ABCA1: variants seen among roughly 807,000 people sequenced by gnomAD.
The protein encoded by ABCA1 is phospholipid-transporting ATPase ABCA1.
In ABCA1, 133 loss-of-function variants were observed where a neutral mutation model predicts 262.5. The observed-to-expected ratio is 0.51, with a 90% CI of 0.44 to 0.59. The LOEUF is 0.59. Among genes scored for constraint, ABCA1 ranks in the 20% least tolerant of loss-of-function variants. The pLI is 0.00. For missense variants in ABCA1, 2,452 were observed against 2,777.5 expected, an observed-to-expected ratio of 0.88 and a Z score of 2.63; for synonymous variants, 1,022 against 1,043.5, an observed-to-expected ratio of 0.98 and a Z score of 0.40.
rs915148633 is a variant in ABCA1 at position 104,781,077 on chromosome 9, A to G, written c.*3238T>C. On this transcript the variant is annotated 3_prime_UTR_variant, in exon 50 of 50. Coordinates refer to ENST00000374736, the MANE Select transcript of ABCA1 (RefSeq NM_005502.4). ...TTACAACATAGAAATATGCATTTTA[A>G]TACTTCATATAAAGTTATTGACATA... is the stretch of plus-strand genomic sequence containing the variant. 6.6e-6 allele frequency: 1 copy of G among 152,662 alleles called. No individual in the cohort carries two copies. The highest frequency in any genetic ancestry group is 2.4e-5 in the African/African-American group (1 of 41,466). 9.5% of individuals were successfully genotyped at this position (152,662 alleles called of 1,614,324 possible). A position where few individuals can be genotyped will look rare whatever the true frequency, so the allele number is the denominator to read the frequency against.
At chr9:104,821,544 G>T in intron 19 of ABCA1, 38 bp from the exon 20 acceptor site, 1 of 1,612,330 alleles carries the variant, frequency 6.2e-7, no homozygotes, top group South Asian at 1.1e-5. Context: ...AGTCAGGGTT[G>T]ACCTACCCTT....
At chr9:104,844,116 C>T (rs1397743910) in intron 8 of ABCA1, among the ~76,000 whole-genome samples, 1 of 151,830 alleles carries the variant, frequency 6.6e-6, no homozygotes, top group Non-Finnish European at 1.5e-5. Context: ...TGTTACAGAC[C>T]CTGCTTTGCT....
chr9:104,865,056 C>T (rs1836963525), intron 5 of ABCA1, among the ~76,000 whole-genome samples: 1 of 152,224 alleles, frequency 6.6e-6, no homozygotes, highest in Non-Finnish European at 1.5e-5. Flanking sequence ...AAAGAACTTG[C>T]AGCCTGATCA....
rs1190529739 is a variant in ABCA1, at chr9:104,927,945, C to T, written c.-103G>A. The T allele has an allele frequency of 1.3e-5, 2 of 152,252 alleles. No homozygotes were observed. Among genetic ancestry groups the T allele is most frequent in the South Asian group, 2.1e-4 (1 of 4,832 alleles). The allele number at this position is 152,252 out of a possible 1,614,324, so 9.4% of individuals were successfully genotyped here. A position where few individuals can be genotyped will look rare whatever the true frequency, so the allele number is the denominator to read the frequency against. The stretch of plus-strand genomic sequence containing the variant: ...TGGAGAGCCTCTTACCTGTTTTCCA[C>T]TTTTGTGTTTGCGTCTCTTTCTCCT... On this transcript the variant is annotated 5_prime_UTR_variant, in exon 1 of 50. The change creates a new upstream start codon in the 5' untranslated region. Transcript: ENST00000374736.
chr9:104,824,658 C>T, intron 17 of ABCA1, 80 bp from the exon 18 acceptor site: 1 of 1,489,374 alleles, frequency 6.7e-7, no homozygotes, highest in Admixed American at 1.8e-5. Flanking sequence ...TCCATTTCCT[C>T]CTTGACACAT....
At position 104,817,917 on chromosome 9, in the gene ABCA1, G is replaced by A. The variant is rs1831923971; in HGVS notation, c.3463-513C>T. 6.6e-6 allele frequency among the ~76,000 whole-genome samples: 1 copy of A among 152,184 alleles called. No individual in the cohort carries two copies. The highest frequency in any genetic ancestry group is 1.5e-5 in the Non-Finnish European group (1 of 68,036). On this transcript the variant is annotated intron_variant, in intron 23 of 49. Coordinates refer to ENST00000374736, the MANE Select transcript of ABCA1 (RefSeq NM_005502.4). The surrounding 1 kb of genome is among the most constrained non-coding windows in gnomAD (Gnocchi z 4.7). The stretch of plus-strand genomic sequence containing the variant: ...CATTAAAAGGTAAATAAGTGGATAG[G>A]AGTTTCAGGTTGGGATGTAAATACA...
chr9:104,832,636 T>C lies in ABCA1; in HGVS notation c.1447A>G (p.Thr483Ala). 6.2e-7 allele frequency: 1 copy of C among 1,614,194 alleles called. No individual in the cohort carries two copies. Among genetic ancestry groups the C allele is most frequent in the Non-Finnish European group, 8.5e-7 (1 of 1,180,042 alleles). The part of the protein sequence containing the change: ...DVQSSNGSVY[T>A]WREAFNETNQ... The stretch of plus-strand genomic sequence containing the variant: ...GTCTCGTTGAAAGCTTCTCTCCAGG[T>C]GTACACAGAACCATTACTGGACTGG... The change falls in exon 12 of 50, where the codon ACC (threonine) becomes GCC (alanine). Residue 483 changes from threonine to alanine, a missense_variant. Around this residue, in one of 4 missense-constraint regions of ABCA1, gnomAD observed 1,032 missense variants for 1,089.7 expected, o/e 0.95. Coordinates refer to ENST00000374736, the MANE Select transcript of ABCA1 (RefSeq NM_005502.4).
At chr9:104,843,390 T>C (rs1834561954) in intron 8 of ABCA1, among the ~76,000 whole-genome samples, 1 of 152,238 alleles carries the variant, frequency 6.6e-6, no homozygotes, top group African/African-American at 2.4e-5. Flanking sequence ...CCTCAAGTCC[T>C]CATTTCCTCC....
chr9:104,879,140 C>T (rs1171415558), intron 5 of ABCA1, among the ~76,000 whole-genome samples: 1 of 151,982 alleles, frequency 6.6e-6, no homozygotes, highest in Non-Finnish European at 1.5e-5. Flanking sequence ...GTCTCCTCCA[C>T]TAAGATCAGA....
intron 9 of ABCA1, 52 bp downstream of exon 9, chr9:104,840,227 C>T: frequency 6.2e-7 from 1 of 1,613,258 alleles, no homozygotes; most frequent in Non-Finnish European, 8.5e-7. Context: ...AAGGCCAGAA[C>T]TAAGGGAGGG....
intron 19 of ABCA1, 68 bp from the exon 20 acceptor site, chr9:104,821,574 A>G: frequency 6.3e-7 from 1 of 1,586,490 alleles, no homozygotes; most frequent in East Asian, 2.2e-5. Context: ...TGCTCCATTC[A>G]GTCTGCAGAG....
intron 39 of ABCA1, among the ~76,000 whole-genome samples, chr9:104,795,213 C>G (rs773395325): frequency 2.8e-4 from 43 of 152,180 alleles, no homozygotes; most frequent in Non-Finnish European, 5.4e-4. Flanking sequence ...GACCCTGTGA[C>G]AGAAGAAGGG....
At chr9:104,799,521 A>T in intron 36 of ABCA1, 1 of 982,788 alleles carries the variant, frequency 1.0e-6, no homozygotes, top group African/African-American at 1.7e-5. Context: ...AATCAAACTG[A>T]TTAAACACTT....
chr9:104,884,965 G>A lies in ABCA1; in HGVS notation c.161-397C>T, dbSNP rs181420210. 2.7e-3 allele frequency among the ~76,000 whole-genome samples: 404 copies of A among 152,358 alleles called. 9 individuals carry two copies. Among genetic ancestry groups the A allele is most frequent in the Admixed American group, 0.022 (342 of 15,304 alleles). ...GGTAAGATGAAGTGGGCTGGGCACA[G>A]TGGCTCGCGCCTGTAATCCCAGCAC... On this transcript the variant is annotated intron_variant, in intron 3 of 49. Coordinates refer to ENST00000374736, the MANE Select transcript of ABCA1 (RefSeq NM_005502.4).
intron 1 of ABCA1, among the ~76,000 whole-genome samples, chr9:104,919,549 T>C (rs1588595256): frequency 6.6e-6 from 1 of 152,056 alleles, no homozygotes; most frequent in Non-Finnish European, 1.5e-5. Context: ...GAGGCGGAAG[T>C]TGCAGTGAGC....
chr9:104,855,021 G>A lies in ABCA1; in HGVS notation c.720+3501C>T, dbSNP rs369937422. ...CAGGGAACTTTAAAAACACAACAGCGTTCTGACATCCAGTATTAATTTTCA... is the reference window on the plus strand; with the variant it reads ...CAGGGAACTTTAAAAACACAACAGCATTCTGACATCCAGTATTAATTTTCA... On this transcript the variant is annotated intron_variant, in intron 7 of 49. Transcript: ENST00000374736. 30 of 409,856 alleles carry A rather than the reference G, an allele frequency of 7.3e-5. No homozygotes were observed. In the South Asian group the frequency reaches 1.0e-3, roughly 14 times the overall value. 25.4% of individuals were successfully genotyped at this position (409,856 alleles called of 1,614,324 possible).
chr9:104,831,737 C>T lies in ABCA1; in HGVS notation c.1600G>A (p.Ala534Thr), dbSNP rs2119006681. 1 of 1,614,194 alleles carries T rather than the reference C, an allele frequency of 6.2e-7. No homozygotes were observed. Among genetic ancestry groups the T allele is most frequent in the Non-Finnish European group, 8.5e-7 (1 of 1,180,034 alleles). Residue 534 changes from alanine to threonine, a missense_variant, in exon 13 of 50, where the codon GCT becomes ACT. Ala to Thr is a moderately conservative substitution (Grantham distance 58, BLOSUM62 0). Coordinates refer to ENST00000374736, the MANE Select transcript of ABCA1 (RefSeq NM_005502.4). ...GTAATTCCAGTGAACACAATACCAG[C>T]CCAGAACTTCCTCTCATCCAGCAGC... ...MELLDERKFW[A>T]GIVFTGITPG...
intron 6 of ABCA1, among the ~76,000 whole-genome samples, chr9:104,859,959 G>A (rs1174897604): frequency 2.7e-5 from 4 of 150,856 alleles, no homozygotes; most frequent in Non-Finnish European, 5.9e-5. Flanking sequence ...GGAGGCTGAA[G>A]CAGAGAATCA....
At chr9:104,816,441 C>T (rs1443510305) in intron 24 of ABCA1, 96 bp from the exon 25 acceptor site, 2 of 1,128,244 alleles carry the variant, frequency 1.8e-6, no homozygotes, top group East Asian at 4.7e-5. Flanking sequence ...AGGCCTGCCG[C>T]TCATACACCA....
Sources: gnomAD v4.1 joint callset for allele counts (sites outside exome capture counted in the v4.1 genomes callset) on GRCh38, gnomAD v4.1.1 for gene constraint, gnomAD v4.1.1 regional missense constraint, Gnocchi (gnomAD v3.1) non-coding constraint, MANE v1.5 for transcripts, NCBI Gene and HGNC (gene_info 2026-07-23, HGNC 2026-07-21) for gene names.